DNAH17: variants seen among roughly 807,000 people sequenced by gnomAD.
The protein encoded by DNAH17 is dynein axonemal heavy chain 17.
DNAH17 carries 376 observed loss-of-function variants against 485.6 expected under a neutral mutation model. That is an observed-to-expected ratio of 0.77 (90% CI 0.71 to 0.84). DNAH17 has a LOEUF of 0.84. DNAH17 is among the 40% of genes least tolerant of loss of function. The probability of loss-of-function intolerance (pLI) is 0.00; values close to 1 mark genes in which losing one functional copy is unlikely to be tolerated. For missense variants in DNAH17, 6,370 were observed against 5,839.3 expected (o/e 1.09, Z -2.96); for synonymous variants, 3,031 against 2,405.9 (o/e 1.26, Z -7.60).
At chr17:78,538,275 G>T (rs539455596) in intron 18 of DNAH17, among the ~76,000 whole-genome samples, 2 of 152,272 alleles carry the variant, frequency 1.3e-5, no homozygotes, top group South Asian at 4.1e-4. Context: ...CCTCTCCCTT[G>T]GAAGTCCCCG....
intron 37 of DNAH17, among the ~76,000 whole-genome samples, chr17:78,497,767 A>G (rs1022529254): frequency 5.3e-5 from 8 of 152,190 alleles, no homozygotes; most frequent in African/African-American, 1.7e-4. Context: ...TGTCACCAAC[A>G]CCGCCTTACA....
intron 33 of DNAH17, 140 bp downstream of exon 33, chr17:78,502,451 G>T: frequency 1.3e-6 from 1 of 763,726 alleles, no homozygotes; most frequent in Non-Finnish European, 2.0e-6. Context: ...CTGTGGAAAC[G>T]ACGGTTTTGC....
Position 78,475,391 on chromosome 17 carries a change from CCAG to C in DNAH17, c.8395_8397del (p.Leu2799del). 1 of 1,613,962 alleles carries C rather than the reference CCAG, an allele frequency of 6.2e-7. No individual in the cohort carries two copies. Among genetic ancestry groups the C allele is most frequent in the Non-Finnish European group, 8.5e-7 (1 of 1,179,886 alleles). On this transcript the variant is annotated inframe_deletion, in exon 54 of 81. Transcript: ENST00000389840. ...TGTTTGCCACTGCCGCCCACCCCCA[CCAG>C]CAGGGCATTCCCCCGGGGAGACTCC...
intron 25 of DNAH17, chr17:78,522,780 A>C (rs892884436): frequency 8.8e-6 from 2 of 227,750 alleles, no homozygotes; most frequent in African/African-American, 4.6e-5. Context: ...GAAAAGCTAG[A>C]AGCTCTTTTG....
At position 78,566,566 on chromosome 17, in the gene DNAH17, C is replaced by T. The variant is rs774825527; in HGVS notation, c.1569+48G>A. 3.0e-6 allele frequency: 4 copies of T among 1,348,910 alleles called. No individual in the cohort carries two copies. The South Asian group carries it at 5.0e-5, about 17-fold the overall frequency. 83.6% of individuals were successfully genotyped at this position (1,348,910 alleles called of 1,614,324 possible). ...GATCGTTCTCGACATGAATCCACCA[C>T]CACAGTGCCAGGCTCCAGATCTGCC... On this transcript the variant is annotated intron_variant, in intron 11 of 80. Coordinates refer to ENST00000389840, the MANE Select transcript of DNAH17 (RefSeq NM_173628.4).
At chr17:78,513,101 AC>A (rs985292561) in intron 26 of DNAH17, among the ~76,000 whole-genome samples, 46 of 151,248 alleles carry the variant, frequency 3.0e-4, no homozygotes, top group African/African-American at 8.5e-4. Flanking sequence ...AATTGAATGA[AC>A]CCCCCCTCTG....
chr17:78,545,290 A>G (rs770603394), intron 16 of DNAH17, among the ~76,000 whole-genome samples: 4 of 152,154 alleles, frequency 2.6e-5, no homozygotes, highest in Non-Finnish European at 5.9e-5. Flanking sequence ...TAGCAGTTTT[A>G]TTGCTTCATG....
At chr17:78,502,066 G>T in intron 33 of DNAH17, 193 bp from the exon 34 acceptor site, 1 of 675,806 alleles carries the variant, frequency 1.5e-6, no homozygotes, top group South Asian at 2.0e-5. Flanking sequence ...GGGACACCTG[G>T]CAGTGGCTAG....
intron 16 of DNAH17, among the ~76,000 whole-genome samples, chr17:78,550,687 C>T (rs890987239): frequency 6.6e-6 from 1 of 152,186 alleles, no homozygotes; most frequent in African/African-American, 2.4e-5. Flanking sequence ...AGAAGAGAAA[C>T]GTCTGTTGTT....
At chr17:78,439,665 CTT>C (rs11399691) in intron 72 of DNAH17, among the ~76,000 whole-genome samples, 6 of 92,236 alleles carry the variant, frequency 6.5e-5, no homozygotes, top group African/African-American at 1.7e-4. Flanking sequence ...CAGTACTTCA[CTT>C]TTTTTTTTTT....
chr17:78,569,021 G>A, intron 9 of DNAH17, 145 bp downstream of exon 9: 1 of 680,820 alleles, frequency 1.5e-6, no homozygotes, highest in Non-Finnish European at 2.5e-6. Flanking sequence ...CAAAGCCTTG[G>A]TTTCCTCATA....
intron 11 of DNAH17, among the ~76,000 whole-genome samples, chr17:78,563,340 G>GCCTGCTGACGTATGGTGA (rs1307709192): frequency 6.6e-6 from 1 of 152,066 alleles, no homozygotes; most frequent in African/African-American, 2.4e-5. Context: ...CTCCACGGTC[G>GCCTGCTGACGTATGGTGA]CCTGCTGACG....
At chr17:78,483,395 C>T (rs9302879) in intron 48 of DNAH17, among the ~76,000 whole-genome samples, 114,069 of 151,988 alleles carry the variant, frequency 0.75, 42,949 homozygotes, top group Admixed American at 0.82. Flanking sequence ...TTTGGGAGCC[C>T]GAGGCGGGCA....
chr17:78,555,144 A>G (rs540623695), intron 14 of DNAH17, among the ~76,000 whole-genome samples: 84 of 152,360 alleles, frequency 5.5e-4, no homozygotes, highest in African/African-American at 1.9e-3. Flanking sequence ...GAAATAGAGT[A>G]TAAGAGCTGT....
intron 14 of DNAH17, among the ~76,000 whole-genome samples, chr17:78,553,825 T>G (rs990672933): frequency 2.0e-5 from 3 of 152,234 alleles, no homozygotes; most frequent in Admixed American, 6.5e-5. Context: ...CCGTTACTTT[T>G]AATACATAAA....
At position 78,424,070 on chromosome 17, in the gene DNAH17, T is replaced by G; in HGVS notation, c.13225A>C (p.Lys4409Gln). 6.2e-7 allele frequency: 1 copy of G among 1,613,964 alleles called. No homozygotes were observed. The highest frequency in any genetic ancestry group is 2.2e-5 in the East Asian group (1 of 44,882). Residue 4409 changes from lysine (K) to glutamine (Q), a missense_variant, in exon 81 of 81, where the codon AAG becomes CAG. By Grantham distance (53) the Lys-to-Gln change is moderately conservative. Coordinates refer to ENST00000389840, the MANE Select transcript of DNAH17 (RefSeq NM_173628.4). ...TCCATGCGGTCCACAGGAATGGCCT[T>G]GATGAAGATGACAGGCATGGCCGGG... ...LTPAMPVIFI[K>Q]AIPVDRMETK...
chr17:78,432,416 G>A (rs965065277), intron 75 of DNAH17, among the ~76,000 whole-genome samples: 6 of 152,206 alleles, frequency 3.9e-5, no homozygotes, highest in Non-Finnish European at 7.3e-5. Context: ...CCTTTCCCCA[G>A]TGGCATCTAT....
rs141946466 is a variant in DNAH17, at chr17:78,559,337, A to G, written c.2032-1083T>C. Among the ~76,000 whole-genome samples the G allele has an allele frequency of 8.8e-3, 1,337 of 152,306 alleles. 20 individuals carry two copies. The highest frequency in any genetic ancestry group is 0.03 in the African/African-American group (1,253 of 41,580). On this transcript the variant is annotated intron_variant, in intron 13 of 80. Coordinates refer to ENST00000389840, the MANE Select transcript of DNAH17 (RefSeq NM_173628.4). ...CAACAAGGCTAAAGCACAGCAGCCC[A>G]TCCTCCCCTGTGGCCTCTGCCCCAC...
intron 26 of DNAH17, among the ~76,000 whole-genome samples, chr17:78,514,115 C>T (rs1056026878): frequency 6.6e-6 from 1 of 152,124 alleles, no homozygotes; most frequent in Non-Finnish European, 1.5e-5. Context: ...TTGCCCCAAA[C>T]TTCCTGAGCC....
Sources: gnomAD v4.1 joint callset for allele counts (sites outside exome capture counted in the v4.1 genomes callset) on GRCh38, gnomAD v4.1.1 for gene constraint, MANE v1.5 for transcripts, NCBI Gene and HGNC (gene_info 2026-07-23, HGNC 2026-07-21) for gene names.